The following GRK3 variants were observed in gnomAD, a reference collection of about 807,000 sequenced individuals.
The protein encoded by GRK3 is G protein-coupled receptor kinase 3.
GRK3 carries 54 observed loss-of-function variants against 95.7 expected under a neutral mutation model. That is an observed-to-expected ratio of 0.56 (90% CI 0.45 to 0.71). The LOEUF (loss-of-function observed/expected upper bound fraction) is 0.71, where lower values mean the gene tolerates loss of function less well. GRK3 is among the 30% of genes least tolerant of loss of function. The pLI is 0.00. For synonymous variants in GRK3, 281 were observed against 290.8 expected (o/e 0.97, Z 0.34); for missense variants, 649 against 851.2 (o/e 0.76, Z 2.96).
At chr22:25,638,171 G>C (rs187454496) in intron 2 of GRK3, among the ~76,000 whole-genome samples, 2 of 152,176 alleles carry the variant, frequency 1.3e-5, no homozygotes, top group Non-Finnish European at 2.9e-5. Context: ...ACTAGTCTGC[G>C]TACAATGGAA....
rs138063297 is a variant in GRK3, at chr22:25,593,742, T to C, written c.114-10635T>C. ...ATTTTTGTTTTCTTTGCAGTTGCTT[T>C]TGAGGACTTTTTTTTGCATTTTTTG... is the stretch of plus-strand genomic sequence containing the variant. On this transcript the variant is annotated intron_variant, in intron 1 of 20. Transcript: ENST00000324198. Among the ~76,000 whole-genome samples, 719 of 152,286 alleles carry C rather than the reference T, an allele frequency of 4.7e-3. 8 individuals are homozygous for C. The highest frequency in any genetic ancestry group is 0.016 in the African/African-American group (680 of 41,578).
chr22:25,724,487 A>G lies in GRK3; in HGVS notation c.*2037A>G, dbSNP rs542740999. The G allele has an allele frequency of 1.2e-4, 18 of 152,310 alleles. No individual in the cohort carries two copies. The highest frequency in any genetic ancestry group is 6.2e-4 in the South Asian group (3 of 4,828). 9.4% of individuals were successfully genotyped at this position (152,310 alleles called of 1,614,324 possible). ...AAAAACTAGAATTTCTGCTCTAAGA[A>G]TAGAACATAAGGCTCCACTCCCTTT... On this transcript the variant is annotated 3_prime_UTR_variant, in exon 21 of 21. Transcript: ENST00000324198.
rs182151091 is a variant in GRK3 at position 25,674,720 on chromosome 22, C to G, written c.647+192C>G. On this transcript the variant is annotated intron_variant, in intron 8 of 20. Transcript: ENST00000324198. ...ACCCCAGCACTTTTGGAGGCAGAGG[C>G]GGGTGGATCACGAGGTCAGGAGATC... is the stretch of plus-strand genomic sequence containing the variant. Among the ~76,000 whole-genome samples the G allele has an allele frequency of 4.8e-4, 73 of 152,214 alleles. No individual in the cohort carries two copies. The South Asian group carries it at 0.015, about 31-fold the overall frequency.
intron 15 of GRK3, among the ~76,000 whole-genome samples, chr22:25,708,195 C>T (rs933813383): frequency 4.6e-5 from 7 of 151,948 alleles, no homozygotes; most frequent in African/African-American, 7.3e-5. Flanking sequence ...TGCAGTGAGC[C>T]GAGATGGCGC....
chr22:25,717,932 C>G (rs532337184), intron 18 of GRK3, among the ~76,000 whole-genome samples: 4 of 152,152 alleles, frequency 2.6e-5, no homozygotes, highest in Non-Finnish European at 5.9e-5. Context: ...TTCTCCGGTT[C>G]TCATTACACA....
chr22:25,702,291 C>T (rs963733993), intron 13 of GRK3, among the ~76,000 whole-genome samples: 1 of 152,146 alleles, frequency 6.6e-6, no homozygotes, highest in African/African-American at 2.4e-5. Flanking sequence ...AGTAGGATGA[C>T]CAGCTCAGTA....
At chr22:25,704,967 C>T (rs2085288320) in intron 15 of GRK3, among the ~76,000 whole-genome samples, 1 of 152,162 alleles carries the variant, frequency 6.6e-6, no homozygotes, top group Non-Finnish European at 1.5e-5. Flanking sequence ...GACCTTTTTC[C>T]TGTATCTCTT....
At chr22:25,625,819 T>G (rs1213721784) in intron 2 of GRK3, among the ~76,000 whole-genome samples, 1 of 152,226 alleles carries the variant, frequency 6.6e-6, no homozygotes, top group African/African-American at 2.4e-5. Context: ...GTTTTTCTCT[T>G]TGTCTCCTCT....
rs746562169 is a variant in GRK3, at chr22:25,631,991, C to T, written c.191-12601C>T. Among the ~76,000 whole-genome samples, 10 of 152,130 alleles carry T rather than the reference C, an allele frequency of 6.6e-5. No individual in the cohort carries two copies. The South Asian group carries it at 8.3e-4, about 13-fold the overall frequency. On this transcript the variant is annotated intron_variant, in intron 2 of 20. Coordinates refer to ENST00000324198, the MANE Select transcript of GRK3 (RefSeq NM_005160.4). ...CACCAACTGAACATTTGGGTTGTTT[C>T]GAGTAAAGCTAGCTACTTTAAGTAT...
At chr22:25,653,933 C>T (rs571024910) in intron 3 of GRK3, among the ~76,000 whole-genome samples, 3 of 152,202 alleles carry the variant, frequency 2.0e-5, no homozygotes, top group South Asian at 2.1e-4. Flanking sequence ...GTAATCGGCC[C>T]GCCTCAGCCT....
intron 1 of GRK3, among the ~76,000 whole-genome samples, chr22:25,565,498 T>C (rs890196839): frequency 1.3e-5 from 2 of 151,504 alleles, no homozygotes; most frequent in Non-Finnish European, 2.9e-5. Context: ...CCCATCCCCG[T>C]GGTTCTTCCT....
chr22:25,583,344 G>T (rs1428937499), intron 1 of GRK3, among the ~76,000 whole-genome samples: 1 of 147,114 alleles, frequency 6.8e-6, no homozygotes, highest in East Asian at 2.0e-4. Context: ...GTGGCCTGGC[G>T]TTTTTCTGTG....
At chr22:25,627,887 T>C (rs1443058877) in intron 2 of GRK3, among the ~76,000 whole-genome samples, 4 of 152,208 alleles carry the variant, frequency 2.6e-5, no homozygotes, top group Non-Finnish European at 5.9e-5. Flanking sequence ...GACACACAGA[T>C]CACTCACATG....
At chr22:25,647,700 T>C in intron 3 of GRK3, 1 of 1,351,248 alleles carries the variant, frequency 7.4e-7, no homozygotes, top group Middle Eastern at 1.9e-4. Flanking sequence ...TGAGCAGTTA[T>C]GTAGCGCCTG....
chr22:25,645,810 A>G (rs2084777601), intron 3 of GRK3, among the ~76,000 whole-genome samples: 1 of 151,730 alleles, frequency 6.6e-6, no homozygotes, highest in South Asian at 2.1e-4. Context: ...AGTCCCAGCT[A>G]CTCGGGAGGC....
chr22:25,659,607 C>G (rs2146399236), intron 3 of GRK3, among the ~76,000 whole-genome samples: 1 of 152,316 alleles, frequency 6.6e-6, no homozygotes, highest in East Asian at 1.9e-4. Flanking sequence ...AACCAAACTT[C>G]CGGGGTCAGA....
chr22:25,662,469 C>T (rs184484580), intron 4 of GRK3, among the ~76,000 whole-genome samples: 1 of 152,326 alleles, frequency 6.6e-6, no homozygotes, highest in Non-Finnish European at 1.5e-5. Flanking sequence ...GATACACAAC[C>T]CTCCCATTGT....
chr22:25,696,258 G>A (rs533876558), intron 13 of GRK3, among the ~76,000 whole-genome samples: 2 of 152,246 alleles, frequency 1.3e-5, no homozygotes, highest in South Asian at 4.1e-4. Flanking sequence ...GGGATTAAAC[G>A]CCTAAGCCAC....
intron 2 of GRK3, among the ~76,000 whole-genome samples, chr22:25,613,978 G>A (rs1192456953): frequency 6.7e-6 from 1 of 150,068 alleles, no homozygotes; most frequent in African/African-American, 2.5e-5. Context: ...CAAGTTCAAA[G>A]ACCAGCCATA....
Sources: gnomAD v4.1 joint callset for allele counts (sites outside exome capture counted in the v4.1 genomes callset) on GRCh38, gnomAD v4.1.1 for gene constraint, MANE v1.5 for transcripts, NCBI Gene and HGNC (gene_info 2026-07-23, HGNC 2026-07-21) for gene names.